Variants in ZFPM2 observed in about 807,000 individuals in gnomAD.
The protein encoded by ZFPM2 is zinc finger protein, FOG family member 2.
Under a neutral mutation model 98.6 loss-of-function variants are expected in ZFPM2, and 20 were observed. That is an observed-to-expected ratio of 0.20 (90% CI 0.14 to 0.29). The LOEUF is 0.29. Among genes scored for constraint, ZFPM2 ranks in the 10% least tolerant of loss-of-function variants. The pLI is 1.00. For synonymous variants in ZFPM2, 518 were observed against 502.7 expected (o/e 1.03, Z -0.41); for missense variants, 1,310 against 1,388.6 (o/e 0.94, Z 0.90).
intron 1 of ZFPM2, among the ~76,000 whole-genome samples, chr8:105,399,501 C>T (rs777312388): frequency 5.9e-5 from 9 of 152,102 alleles, no homozygotes; most frequent in Non-Finnish European, 1.2e-4. Flanking sequence ...GAAAAGTGTG[C>T]ATTTAATCGT....
chr8:105,438,276 C>T (rs190805240), intron 2 of ZFPM2, among the ~76,000 whole-genome samples: 1 of 152,138 alleles, frequency 6.6e-6, no homozygotes, highest in Non-Finnish European at 1.5e-5. Flanking sequence ...GCTTGCAGCT[C>T]CCTATCAATC....
At chr8:105,626,930 C>CACTTCT (rs71577985) in intron 4 of ZFPM2, among the ~76,000 whole-genome samples, 30,720 of 151,934 alleles carry the variant, frequency 0.2, 3,120 homozygotes, top group South Asian at 0.26. Flanking sequence ...AATCAAATAA[C>CACTTCT]ACTTCTGTTA....
intron 4 of ZFPM2, among the ~76,000 whole-genome samples, chr8:105,624,313 G>A (rs1055014992): frequency 6.6e-6 from 1 of 152,184 alleles, no homozygotes; most frequent in Non-Finnish European, 1.5e-5. Flanking sequence ...TCTGCCAGGA[G>A]CAAAACAACA....
intron 5 of ZFPM2, among the ~76,000 whole-genome samples, chr8:105,763,438 T>C (rs1812781787): frequency 1.3e-5 from 2 of 151,880 alleles, no homozygotes; most frequent in South Asian, 4.2e-4. Flanking sequence ...GGACAATACC[T>C]CAAGCAGGTG....
intron 3 of ZFPM2, among the ~76,000 whole-genome samples, chr8:105,553,755 T>C (rs145006904): frequency 4.6e-5 from 7 of 152,314 alleles, no homozygotes; most frequent in African/African-American, 1.7e-4. Context: ...ATCAAAAAGA[T>C]CCCATCTGTT....
At chr8:105,524,992 A>G (rs1324677603) in intron 3 of ZFPM2, among the ~76,000 whole-genome samples, 1 of 152,214 alleles carries the variant, frequency 6.6e-6, no homozygotes, top group Admixed American at 6.5e-5. Flanking sequence ...TCTCTCGCTT[A>G]TCAAAATACT....
chr8:105,664,387 G>A (rs1186016516), intron 5 of ZFPM2, among the ~76,000 whole-genome samples: 1 of 150,776 alleles, frequency 6.6e-6, no homozygotes, highest in Non-Finnish European at 1.5e-5. Context: ...TGTTGCCCAG[G>A]CTGGAGTGCA....
chr8:105,520,400 G>A (rs1006516547), intron 3 of ZFPM2, among the ~76,000 whole-genome samples: 10 of 152,082 alleles, frequency 6.6e-5, no homozygotes, highest in African/African-American at 9.7e-5. Context: ...TAATATCAAC[G>A]GGATGTGAAG....
intron 1 of ZFPM2, among the ~76,000 whole-genome samples, chr8:105,408,779 G>A (rs1185042566): frequency 6.6e-6 from 1 of 151,714 alleles, no homozygotes; most frequent in African/African-American, 2.4e-5. Context: ...CCACAAGGAG[G>A]GCCAAACTGG....
rs555078732 is a variant in ZFPM2 at position 105,339,954 on chromosome 8, G to A, written c.40+20973G>A. 5.9e-5 allele frequency among the ~76,000 whole-genome samples: 9 copies of A among 151,998 alleles called. No homozygotes were observed. In the East Asian group the frequency reaches 1.5e-3, roughly 26 times the overall value. On this transcript the variant is annotated intron_variant, in intron 1 of 7. Transcript: ENST00000407775. ...ATAAAGGAGATCTTAAGGAATCATA[G>A]GGTTAACTTAAGGTCTGTTGTTACA...
At chr8:105,485,090 A>T (rs775544919) in intron 3 of ZFPM2, among the ~76,000 whole-genome samples, 1 of 152,140 alleles carries the variant, frequency 6.6e-6, no homozygotes, top group Non-Finnish European at 1.5e-5. Context: ...AACTTTATAC[A>T]TTGGTAAGTA....
At chr8:105,668,952 A>G (rs988246586) in intron 5 of ZFPM2, among the ~76,000 whole-genome samples, 24 of 152,184 alleles carry the variant, frequency 1.6e-4, no homozygotes, top group African/African-American at 5.8e-4. Context: ...TAGTTGATGG[A>G]AACATAACTG....
chr8:105,670,389 G>T (rs551474619), intron 5 of ZFPM2, among the ~76,000 whole-genome samples: 53 of 151,952 alleles, frequency 3.5e-4, no homozygotes, highest in African/African-American at 1.2e-3. Context: ...CCAGCTACTC[G>T]GGAGGTTGAG....
rs185738219 is a variant in ZFPM2 at position 105,454,832 on chromosome 8, C to A, written c.301+10451C>A. On this transcript the variant is annotated intron_variant, in intron 3 of 7. Coordinates refer to ENST00000407775, the MANE Select transcript of ZFPM2 (RefSeq NM_012082.4). ...TTGGAATAGTGAATTGGTGCCTTCACCCTCCAAAAGTGACTAAGACCTCAG... is the reference window on the plus strand; with the variant it reads ...TTGGAATAGTGAATTGGTGCCTTCAACCTCCAAAAGTGACTAAGACCTCAG... Among the ~76,000 whole-genome samples the A allele has an allele frequency of 7.9e-5, 12 of 152,256 alleles. No individual in the cohort carries two copies. In the East Asian group the frequency reaches 2.3e-3, roughly 29 times the overall value.
chr8:105,407,206 G>A (rs973265319), intron 1 of ZFPM2, among the ~76,000 whole-genome samples: 4 of 151,446 alleles, frequency 2.6e-5, no homozygotes, highest in African/African-American at 9.7e-5. Flanking sequence ...ACAGGGGATG[G>A]GTGGTGAAAG....
intron 3 of ZFPM2, among the ~76,000 whole-genome samples, chr8:105,551,306 T>C (rs1814846832): frequency 6.6e-6 from 1 of 152,186 alleles, no homozygotes; most frequent in South Asian, 2.1e-4. Flanking sequence ...TTAGATATTA[T>C]TTGAAGTGTG....
At chr8:105,345,821 A>G (rs1411344550) in intron 1 of ZFPM2, among the ~76,000 whole-genome samples, 4 of 152,162 alleles carry the variant, frequency 2.6e-5, no homozygotes, top group Non-Finnish European at 5.9e-5. Context: ...CTAACTCTCA[A>G]ATAGGATTTT....
intron 1 of ZFPM2, among the ~76,000 whole-genome samples, chr8:105,331,894 C>G (rs1283797325): frequency 6.6e-6 from 1 of 151,628 alleles, no homozygotes; most frequent in East Asian, 1.9e-4. Flanking sequence ...AAAGTCAAGT[C>G]ATATCACTTC....
chr8:105,626,467 C>A (rs1209877974), intron 4 of ZFPM2, among the ~76,000 whole-genome samples: 1 of 152,036 alleles, frequency 6.6e-6, no homozygotes, highest in African/African-American at 2.4e-5. Context: ...GAAACTTTTG[C>A]TGTGTAAAAT....
Sources: gnomAD v4.1 joint callset for allele counts (sites outside exome capture counted in the v4.1 genomes callset) on GRCh38, gnomAD v4.1.1 for gene constraint, MANE v1.5 for transcripts, NCBI Gene and HGNC (gene_info 2026-07-23, HGNC 2026-07-21) for gene names.